Variants in STK32B observed in about 807,000 individuals in gnomAD.
STK32B encodes the protein serine/threonine-protein kinase 32B.
STK32B carries 43 observed loss-of-function variants against 52.6 expected under a neutral mutation model. The ratio of observed to expected loss-of-function variants is 0.82; its 90% confidence interval spans 0.64 to 1.05. STK32B has a LOEUF of 1.05. Among genes scored for constraint, STK32B ranks in the 50% least tolerant of loss-of-function variants. STK32B has a pLI of 0.00. For synonymous variants in STK32B, 238 were observed against 204.3 expected (o/e 1.17, Z -1.41); for missense variants, 621 against 534.6 (o/e 1.16, Z -1.59).
rs149581412 is a variant in STK32B at position 5,169,067 on chromosome 4, C to G, written c.260+617C>G. 2.4e-3 allele frequency among the ~76,000 whole-genome samples: 373 copies of G among 152,264 alleles called. 2 individuals are homozygous for G. Among genetic ancestry groups the G allele is most frequent in the Non-Finnish European group, 3.7e-3 (249 of 68,008 alleles). On this transcript the variant is annotated intron_variant, in intron 3 of 11. Transcript: ENST00000282908. Reference sequence around the variant, plus strand: ...CACTCACGTCCCCTTCTCCAGTGTCCCCTAACCAACACCTGTGCATTCCTG... The same window carrying G: ...CACTCACGTCCCCTTCTCCAGTGTCGCCTAACCAACACCTGTGCATTCCTG...
intron 4 of STK32B, among the ~76,000 whole-genome samples, chr4:5,385,765 T>C (rs1736206673): frequency 6.6e-6 from 1 of 151,946 alleles, no homozygotes; most frequent in Non-Finnish European, 1.5e-5. Context: ...GCTCCACCTC[T>C]CCTGGCCTAT....
chr4:5,413,636 T>C (rs1446123591), intron 5 of STK32B, among the ~76,000 whole-genome samples: 1 of 152,218 alleles, frequency 6.6e-6, no homozygotes, highest in African/African-American at 2.4e-5. Context: ...CAAAAGGCAC[T>C]ATAAACAAAG....
Position 5,051,496 on chromosome 4 carries a change from T to G in STK32B, c.-368T>G. 1 of 289,740 alleles carries G rather than the reference T, an allele frequency of 3.5e-6. No homozygotes were observed. The highest frequency in any genetic ancestry group is 6.3e-6 in the Non-Finnish European group (1 of 157,746). The allele number at this position is 289,740 out of a possible 1,614,324, so 17.9% of individuals were successfully genotyped here. ...CCCCCGCTCCTTCCCCTCCTTCCCC[T>G]GCTCCCGCGCCGCCTCGCGTCTCCC... On this transcript the variant is annotated 5_prime_UTR_variant, in exon 1 of 12. Transcript: ENST00000282908.
rs552875982 is a variant in STK32B, at chr4:5,266,064, C to T, written c.261-65156C>T. ...TTTCCTGGATGAAAGGGATAGTATA[C>T]ATTTAGTCTCTTAATATACATGTAG... is the stretch of plus-strand genomic sequence containing the variant. On this transcript the variant is annotated intron_variant, in intron 3 of 11. Coordinates refer to ENST00000282908, the MANE Select transcript of STK32B (RefSeq NM_018401.3). Among the ~76,000 whole-genome samples, 9 of 152,226 alleles carry T rather than the reference C, an allele frequency of 5.9e-5. No homozygotes were observed. In the South Asian group the frequency reaches 1.2e-3, roughly 21 times the overall value.
intron 3 of STK32B, among the ~76,000 whole-genome samples, chr4:5,276,820 T>C (rs1489498716): frequency 6.6e-6 from 1 of 152,104 alleles, no homozygotes; most frequent in Non-Finnish European, 1.5e-5. Flanking sequence ...CAGTTTCCGC[T>C]TCTTCTCTGT....
chr4:5,134,504 AG>A (rs1196568448), intron 1 of STK32B, among the ~76,000 whole-genome samples: 2 of 152,202 alleles, frequency 1.3e-5, no homozygotes, highest in Admixed American at 6.5e-5. Context: ...CTTAGCCTCC[AG>A]AACTGTGAAA....
In STK32B at chr4:5,331,213, C is replaced by G; in HGVS notation, c.261-7C>G. On this transcript the variant is annotated splice_polypyrimidine_tract_variant and splice_region_variant and intron_variant, in intron 3 of 11. Transcript: ENST00000282908. ...CCCTAATCTTCTCTGTCCTTCTGTG[C>G]TCCTAGGTACTCCTTCCAGGATGAG... 6.2e-7 allele frequency: 1 copy of G among 1,607,880 alleles called. No homozygotes were observed. The highest frequency in any genetic ancestry group is 8.5e-7 in the Non-Finnish European group (1 of 1,176,798).
intron 1 of STK32B, among the ~76,000 whole-genome samples, chr4:5,104,281 C>G (rs374231254): frequency 2.6e-5 from 4 of 152,298 alleles, no homozygotes; most frequent in East Asian, 3.9e-4. Flanking sequence ...TGAGCAAACT[C>G]TCTTGTCTGC....
intron 3 of STK32B, among the ~76,000 whole-genome samples, chr4:5,194,370 G>A (rs1369162953): frequency 1.3e-5 from 2 of 152,188 alleles, no homozygotes; most frequent in East Asian, 3.9e-4. Flanking sequence ...AGAACAGGGT[G>A]GAAGAAATGA....
At chr4:5,353,114 G>T (rs998118303) in intron 4 of STK32B, among the ~76,000 whole-genome samples, 2 of 152,002 alleles carry the variant, frequency 1.3e-5, no homozygotes, top group African/African-American at 4.8e-5. Context: ...CATATTTAAG[G>T]TAACTGATTT....
At chr4:5,430,904 G>C (rs549912353) in intron 6 of STK32B, among the ~76,000 whole-genome samples, 3 of 152,320 alleles carry the variant, frequency 2.0e-5, no homozygotes, top group South Asian at 2.1e-4. Flanking sequence ...GTCTCTCTCT[G>C]TGCTCCTGTT....
chr4:5,090,845 G>C (rs1400010641), intron 1 of STK32B, among the ~76,000 whole-genome samples: 3 of 152,134 alleles, frequency 2.0e-5, no homozygotes, highest in Admixed American at 2.0e-4. Flanking sequence ...TGTTATTTCT[G>C]AAGTCTGTGT....
intron 3 of STK32B, among the ~76,000 whole-genome samples, chr4:5,202,614 A>C (rs1722242427): frequency 6.6e-6 from 1 of 152,210 alleles, no homozygotes; most frequent in Admixed American, 6.5e-5. Flanking sequence ...CTTTCTGGAC[A>C]CCCAGGCATT....
intron 3 of STK32B, among the ~76,000 whole-genome samples, chr4:5,240,767 G>T (rs1463288565): frequency 6.6e-6 from 1 of 152,114 alleles, no homozygotes; most frequent in Non-Finnish European, 1.5e-5. Context: ...GCTTAATACA[G>T]TCAAATGTAT....
chr4:5,337,583 G>C (rs1321755221), intron 4 of STK32B, among the ~76,000 whole-genome samples: 2 of 152,110 alleles, frequency 1.3e-5, no homozygotes, highest in East Asian at 3.9e-4. Flanking sequence ...GTTCTGATTA[G>C]CATGGATCAG....
At position 5,082,826 on chromosome 4, in the gene STK32B, G is replaced by A. The variant is rs141088354; in HGVS notation, c.52+30911G>A. The stretch of plus-strand genomic sequence containing the variant: ...TGAGTGAGAACCAATGTTAAATTTT[G>A]CTTTATTTCCCAGGAAGATTTTTTT... On this transcript the variant is annotated intron_variant, in intron 1 of 11. Transcript: ENST00000282908. 2.4e-3 allele frequency among the ~76,000 whole-genome samples: 360 copies of A among 151,826 alleles called. 1 individual carries two copies. The highest frequency in any genetic ancestry group is 8.3e-3 in the African/African-American group (343 of 41,456).
intron 7 of STK32B, among the ~76,000 whole-genome samples, chr4:5,448,870 G>C (rs1428061789): frequency 6.6e-6 from 1 of 152,114 alleles, no homozygotes; most frequent in Non-Finnish European, 1.5e-5. Context: ...TTTATTCTCT[G>C]TTTTTCATAC....
rs191544611 is a variant in STK32B, at chr4:5,354,614, G to A, written c.434+23221G>A. 1.1e-4 allele frequency among the ~76,000 whole-genome samples: 17 copies of A among 152,268 alleles called. No individual in the cohort carries two copies. In the East Asian group the frequency reaches 2.3e-3, roughly 21 times the overall value. ...GCTCCATAGCAGAGAAGGGTGACTCGTTAGCAACATTATATTGTATATTTC... is the reference window on the plus strand; with the variant it reads ...GCTCCATAGCAGAGAAGGGTGACTCATTAGCAACATTATATTGTATATTTC... On this transcript the variant is annotated intron_variant, in intron 4 of 11. Transcript: ENST00000282908.
intron 1 of STK32B, among the ~76,000 whole-genome samples, chr4:5,090,133 G>A (rs1266533400): frequency 6.6e-6 from 1 of 151,536 alleles, no homozygotes; most frequent in Non-Finnish European, 1.5e-5. Flanking sequence ...TAGGGAGATT[G>A]CAAAAATTTT....
Sources: gnomAD v4.1 joint callset for allele counts (sites outside exome capture counted in the v4.1 genomes callset) on GRCh38, gnomAD v4.1.1 for gene constraint, MANE v1.5 for transcripts, NCBI Gene and HGNC (gene_info 2026-07-23, HGNC 2026-07-21) for gene names.